The following UNK variants were observed in gnomAD, a reference collection of about 807,000 sequenced individuals.
The protein encoded by UNK is unk zinc finger.
UNK carries 32 observed loss-of-function variants against 97.6 expected under a neutral mutation model. The ratio of observed to expected loss-of-function variants is 0.33; its 90% CI spans 0.25 to 0.44. UNK has a LOEUF of 0.44. UNK is among the 20% of genes least tolerant of loss of function. The probability of loss-of-function intolerance (pLI) is 1.00; values close to 1 mark genes in which losing one functional copy is unlikely to be tolerated. For missense variants in UNK, 771 were observed against 1,098.4 expected, an observed-to-expected ratio of 0.70 and a Z score of 4.21; for synonymous variants, 441 against 461.2, an observed-to-expected ratio of 0.96 and a Z score of 0.56.
intron 1 of UNK, among the ~76,000 whole-genome samples, chr17:75,802,930 C>T (rs983511415): frequency 2.5e-4 from 37 of 145,782 alleles, no homozygotes; most frequent in South Asian, 1.6e-3. Context: ...ATTGAGACCA[C>T]CCTGGCCAAC....
Position 75,819,140 on chromosome 17 carries a change from T to G in UNK, c.1546+324T>G. The G allele has an allele frequency of 3.4e-6, 1 of 292,090 alleles. No individual in the cohort carries two copies. The highest frequency in any genetic ancestry group is 2.2e-5 in the African/African-American group (1 of 45,792). 18.1% of individuals were successfully genotyped at this position (292,090 alleles called of 1,614,324 possible). On this transcript the variant is annotated intron_variant, in intron 11 of 15. Coordinates refer to ENST00000589666, the MANE Select transcript of UNK (RefSeq NM_001080419.3). This position sits in a 1 kb window ranked among gnomAD's most constrained non-coding sequence, Gnocchi z 5.4. ...TGTGTAGTGAATGGCCAGCACGACG[T>G]TCTCAGAATCCCTGGTGCTAGAAGT...
Position 75,822,602 on chromosome 17 carries a change from G to C in UNK, c.1963G>C (p.Asp655His), listed in dbSNP as rs1310419734. The C allele has an allele frequency of 6.2e-7, 1 of 1,613,302 alleles. No individual in the cohort carries two copies. Among genetic ancestry groups the C allele is most frequent in the Admixed American group, 1.7e-5 (1 of 59,958 alleles). Reference protein sequence around the residue: ...AELARLRQELDEANSTIKQWE... With the variant: ...AELARLRQELHEANSTIKQWE... The stretch of plus-strand genomic sequence containing the variant: ...GCTGGCCCGACTTCGGCAAGAGCTG[G>C]ATGAAGCCAACAGCACCATCAAGCA... Residue 655 changes from aspartate to histidine, a missense_variant, in exon 14 of 16, where the codon GAT becomes CAT. Asp to His is a moderately conservative substitution (Grantham distance 81, BLOSUM62 -1). Around this residue, in one of 5 missense-constraint regions of UNK, gnomAD observed 208 missense variants for 257.4 expected, o/e 0.81. Transcript: ENST00000589666.
intron 1 of UNK, among the ~76,000 whole-genome samples, chr17:75,804,022 T>G (rs1420466007): frequency 6.6e-6 from 1 of 152,256 alleles, no homozygotes; most frequent in Non-Finnish European, 1.5e-5. Flanking sequence ...CATGTTAAAC[T>G]GCCTTGTATA....
In UNK at chr17:75,818,093, T is replaced by C. The variant is rs1405747744; in HGVS notation, c.1306-10T>C. On this transcript the variant is annotated splice_polypyrimidine_tract_variant and intron_variant, in intron 9 of 15. Transcript: ENST00000589666. This position sits in a 1 kb window ranked among gnomAD's most constrained non-coding sequence, Gnocchi z 5.1. ...CCACATTCATCCACTCCCTGAATTT[T>C]CTCTCTCAGGCCAAATTAAAACCCC... 6.2e-7 allele frequency: 1 copy of C among 1,612,822 alleles called. No homozygotes were observed. The highest frequency in any genetic ancestry group is 1.1e-5 in the South Asian group (1 of 91,064).
At chr17:75,791,924 C>T in intron 1 of UNK, 1 of 985,396 alleles carries the variant, frequency 1.0e-6, no homozygotes, top group Admixed American at 6.1e-5. Flanking sequence ...AAAGGAGCTC[C>T]TTCTCTGCAA....
At chr17:75,794,966 A>G (rs889006670) in intron 1 of UNK, among the ~76,000 whole-genome samples, 2 of 152,190 alleles carry the variant, frequency 1.3e-5, no homozygotes, top group African/African-American at 4.8e-5. Flanking sequence ...CCTTGCTTCA[A>G]CAGCCCTGAT....
intron 1 of UNK, chr17:75,792,591 CT>C: frequency 1.6e-6 from 1 of 637,452 alleles, no homozygotes; most frequent in Non-Finnish European, 2.0e-6. Flanking sequence ...TTCTTGTTTT[CT>C]TACCATATAG....
At chr17:75,785,111 G>A in intron 1 of UNK, 127 bp downstream of exon 1, 1 of 633,172 alleles carries the variant, frequency 1.6e-6, no homozygotes, top group Non-Finnish European at 2.6e-6. Flanking sequence ...GCCCGGCCCA[G>A]ACCGGTTCCA....
Position 75,816,539 on chromosome 17 carries a change from A to G in UNK, c.962-231A>G, listed in dbSNP as rs2143801820. ...CAGTTTTCTTATTTATAAAATGGAGACCATATTACTGGTATCTTCTGGTCA... is the reference window on the plus strand; with the variant it reads ...CAGTTTTCTTATTTATAAAATGGAGGCCATATTACTGGTATCTTCTGGTCA... On this transcript the variant is annotated intron_variant, in intron 7 of 15. Coordinates refer to ENST00000589666, the MANE Select transcript of UNK (RefSeq NM_001080419.3). This position sits in a 1 kb window ranked among gnomAD's most constrained non-coding sequence, Gnocchi z 4.0. Among the ~76,000 whole-genome samples, 1 of 152,248 alleles carries G rather than the reference A, an allele frequency of 6.6e-6. No individual in the cohort carries two copies. Among genetic ancestry groups the G allele is most frequent in the South Asian group, 2.1e-4 (1 of 4,816 alleles).
intron 1 of UNK, among the ~76,000 whole-genome samples, chr17:75,801,218 A>G (rs1450519688): frequency 1.3e-5 from 2 of 151,976 alleles, no homozygotes; most frequent in Non-Finnish European, 2.9e-5. Context: ...ACCATGTTTT[A>G]TACGTTCTTC....
intron 13 of UNK, among the ~76,000 whole-genome samples, chr17:75,820,862 A>G (rs906763854): frequency 1.3e-5 from 2 of 152,086 alleles, no homozygotes; most frequent in Admixed American, 6.5e-5. Flanking sequence ...GCTCGGGCCC[A>G]GGGAATGAGC....
At chr17:75,813,363 T>G (rs2061987821) in intron 5 of UNK, 150 bp downstream of exon 5, 1 of 1,153,358 alleles carries the variant, frequency 8.7e-7, no homozygotes, top group Non-Finnish European at 1.2e-6. Flanking sequence ...GAGGGCATAG[T>G]GAGGATAGCT....
At chr17:75,785,661 GAC>G (rs755693244) in intron 1 of UNK, 8 of 152,198 alleles carry the variant, frequency 5.3e-5, no homozygotes, top group Non-Finnish European at 7.3e-5. Flanking sequence ...CCCAAATACT[GAC>G]ACTACAGGAG....
intron 1 of UNK, chr17:75,792,474 T>G: frequency 1.0e-6 from 1 of 985,446 alleles, no homozygotes; most frequent in Non-Finnish European, 1.2e-6. Flanking sequence ...AGATGGATGT[T>G]GAATGTAAGT....
At chr17:75,788,087 G>C (rs2143661741) in intron 1 of UNK, among the ~76,000 whole-genome samples, 1 of 152,144 alleles carries the variant, frequency 6.6e-6, no homozygotes, top group East Asian at 1.9e-4. Context: ...ATACGGAGTG[G>C]AATAATAATT....
chr17:75,822,316 C>G (rs898337980), intron 13 of UNK, among the ~76,000 whole-genome samples, 161 bp from the exon 14 acceptor site: 2 of 152,268 alleles, frequency 1.3e-5, no homozygotes, highest in African/African-American at 4.8e-5. Context: ...CCTGCACCTT[C>G]ACAGCCTTCC....
chr17:75,818,951 T>A lies in UNK; in HGVS notation c.1546+135T>A. On this transcript the variant is annotated intron_variant, in intron 11 of 15. Coordinates refer to ENST00000589666, the MANE Select transcript of UNK (RefSeq NM_001080419.3). The surrounding 1 kb of genome is among the most constrained non-coding windows in gnomAD (Gnocchi z 5.1). ...CTTCGGAAAATCAGGGGATGGGCACTCTGAGTCCTTTGAGCTAAAGGGGAA... is the reference window on the plus strand; with the variant it reads ...CTTCGGAAAATCAGGGGATGGGCACACTGAGTCCTTTGAGCTAAAGGGGAA... 1.7e-5 allele frequency: 18 copies of A among 1,066,708 alleles called. No individual in the cohort carries two copies. Among genetic ancestry groups the A allele is most frequent in the Non-Finnish European group, 2.3e-5 (18 of 767,750 alleles). The allele number at this position is 1,066,708 out of a possible 1,614,324, so 66.1% of individuals were successfully genotyped here.
chr17:75,822,997 C>G (rs1443747517), intron 14 of UNK, among the ~76,000 whole-genome samples: 2 of 152,210 alleles, frequency 1.3e-5, no homozygotes, highest in African/African-American at 4.8e-5. Flanking sequence ...GCCGGCTACC[C>G]TATGGGTGCT....
intron 1 of UNK, chr17:75,794,098 A>G (rs1255792583): frequency 1.4e-5 from 14 of 984,106 alleles, no homozygotes; most frequent in Non-Finnish European, 1.7e-5. Context: ...GTATTTCCTG[A>G]TTAAAAACAA....
Sources: allele counts gnomAD v4.1 joint callset (sites outside exome capture counted in the v4.1 genomes callset), GRCh38; gene constraint gnomAD v4.1.1; regional missense constraint gnomAD v4.1.1; non-coding constraint Gnocchi (gnomAD v3.1); transcripts MANE v1.5; gene names NCBI Gene and HGNC (gene_info 2026-07-23, HGNC 2026-07-21).